RAD18: variants seen among roughly 807,000 people sequenced by gnomAD.
RAD18 encodes RAD18 E3 ubiquitin protein ligase, also known as E3 ubiquitin-protein ligase RAD18.
RAD18 carries 47 observed loss-of-function variants against 60.4 expected under a neutral mutation model. That is an observed-to-expected ratio of 0.78 (90% CI 0.62 to 0.99). RAD18 has a LOEUF of 0.99. Among genes scored for constraint, RAD18 ranks in the 50% least tolerant of loss-of-function variants. The pLI is 0.00. For missense variants in RAD18, 640 were observed against 593.3 expected (o/e 1.08, Z -0.82); for synonymous variants, 225 against 195.5 (o/e 1.15, Z -1.26).
intron 7 of RAD18, among the ~76,000 whole-genome samples, chr3:8,922,907 C>A (rs1278868198): frequency 1.3e-5 from 2 of 152,110 alleles, no homozygotes; most frequent in Non-Finnish European, 2.9e-5. Flanking sequence ...ACACCAAAAC[C>A]CCATCTGTAC....
rs150173555 is a variant in RAD18 at position 8,891,900 on chromosome 3, A to G, written c.1323-1449T>C. Reference sequence around the variant, plus strand: ...TTTTTCAAGTAATGTGCTTATTACCATATCTGCTCAAAAACCACATTCCTA... The same window carrying G: ...TTTTTCAAGTAATGTGCTTATTACCGTATCTGCTCAAAAACCACATTCCTA... On this transcript the variant is annotated intron_variant, in intron 11 of 12. Coordinates refer to ENST00000264926, the MANE Select transcript of RAD18 (RefSeq NM_020165.4). 6.2e-3 allele frequency among the ~76,000 whole-genome samples: 949 copies of G among 152,346 alleles called. 5 individuals carry two copies. Among genetic ancestry groups the G allele is most frequent in the African/African-American group, 0.022 (901 of 41,580 alleles).
intron 7 of RAD18, among the ~76,000 whole-genome samples, chr3:8,916,289 G>C (rs1940198968): frequency 6.6e-6 from 1 of 152,114 alleles, no homozygotes; most frequent in South Asian, 2.1e-4. Flanking sequence ...TGAAAGACCT[G>C]CCTAAGACTG....
At chr3:8,892,277 G>A (rs906656629) in intron 11 of RAD18, among the ~76,000 whole-genome samples, 12 of 152,254 alleles carry the variant, frequency 7.9e-5, no homozygotes, top group Admixed American at 5.2e-4. Flanking sequence ...CAAGAAGCTG[G>A]ATGAATGTAA....
At chr3:8,935,383 C>CTGAAAGCT (rs1415547034) in intron 7 of RAD18, among the ~76,000 whole-genome samples, 3 of 152,176 alleles carry the variant, frequency 2.0e-5, no homozygotes, top group Admixed American at 1.3e-4. Flanking sequence ...ATCATAATGG[C>CTGAAAGCT]AACATTTACT....
chr3:8,901,106 G>A (rs1939904396), intron 10 of RAD18, among the ~76,000 whole-genome samples: 1 of 152,192 alleles, frequency 6.6e-6, no homozygotes, highest in South Asian at 2.1e-4. Context: ...CTAGGGAAAT[G>A]CAAATCAAAA....
chr3:8,906,684 C>T (rs571197236), intron 9 of RAD18, among the ~76,000 whole-genome samples: 33 of 124,212 alleles, frequency 2.7e-4, no homozygotes, highest in African/African-American at 8.2e-4. Context: ...CAACATTCAC[C>T]TCGTTTTCTA....
At chr3:8,947,709 G>A (rs911278337) in intron 3 of RAD18, among the ~76,000 whole-genome samples, 2 of 152,202 alleles carry the variant, frequency 1.3e-5, no homozygotes, top group African/African-American at 4.8e-5. Context: ...TGGTTTTCAG[G>A]AATGCAAGAG....
chr3:8,908,330 A>G (rs1028166132), intron 9 of RAD18, among the ~76,000 whole-genome samples: 2 of 148,708 alleles, frequency 1.3e-5, no homozygotes, highest in Non-Finnish European at 3.0e-5. Context: ...GACTCTGCTT[A>G]TAATAGGGAA....
intron 12 of RAD18, among the ~76,000 whole-genome samples, chr3:8,887,232 G>A (rs4274731): frequency 0.1 from 15,576 of 152,236 alleles, 901 homozygotes; most frequent in South Asian, 0.15. Flanking sequence ...AAGTCCTCCA[G>A]GTGATTTTAA....
At position 8,878,782 on chromosome 3, in the gene RAD18, C is replaced by T. The variant is rs1473394251; in HGVS notation, c.*2575G>A. On this transcript the variant is annotated 3_prime_UTR_variant, in exon 13 of 13. Transcript: ENST00000264926. ...TGCATCCAGCAGCTCACCTGCACCC[C>T]CACAAACCATAAGCATCACTGCCAT... 2 of 152,198 alleles carry T rather than the reference C, an allele frequency of 1.3e-5. No individual in the cohort carries two copies. Among genetic ancestry groups the T allele is most frequent in the African/African-American group, 2.4e-5 (1 of 41,450 alleles). 9.4% of individuals were successfully genotyped at this position (152,198 alleles called of 1,614,324 possible).
intron 9 of RAD18, among the ~76,000 whole-genome samples, chr3:8,910,600 C>CAA (rs35992206): frequency 5.3e-5 from 6 of 112,446 alleles, no homozygotes; most frequent in Admixed American, 1.9e-4. Context: ...GCCTCCATCT[C>CAA]AAAAAAAAAA....
intron 1 of RAD18, among the ~76,000 whole-genome samples, chr3:8,962,705 G>A (rs1356111716): frequency 6.6e-6 from 1 of 152,162 alleles, no homozygotes; most frequent in Non-Finnish European, 1.5e-5. Flanking sequence ...ACAGAAAGTG[G>A]CCACAAAAAT....
chr3:8,913,097 T>C (rs1447558460), intron 8 of RAD18, among the ~76,000 whole-genome samples: 1 of 152,132 alleles, frequency 6.6e-6, no homozygotes, highest in Non-Finnish European at 1.5e-5. Context: ...CAGGACACAA[T>C]GACTATTTTC....
intron 7 of RAD18, among the ~76,000 whole-genome samples, chr3:8,922,406 G>C (rs1340080719): frequency 6.6e-6 from 1 of 152,086 alleles, no homozygotes; most frequent in Non-Finnish European, 1.5e-5. Flanking sequence ...GCCTGCCATT[G>C]CTGGAGGCTG....
At chr3:8,931,034 A>G (rs1258424405) in intron 7 of RAD18, among the ~76,000 whole-genome samples, 1 of 152,218 alleles carries the variant, frequency 6.6e-6, no homozygotes, top group Non-Finnish European at 1.5e-5. Context: ...AAGGGTAGAA[A>G]GATAAATAAA....
At chr3:8,893,193 T>C (rs2125047874) in intron 11 of RAD18, among the ~76,000 whole-genome samples, 1 of 152,272 alleles carries the variant, frequency 6.6e-6, no homozygotes, top group African/African-American at 2.4e-5. Context: ...AGGGTGTAAA[T>C]TCATCAGAAC....
chr3:8,913,793 T>G (rs1177576324), intron 7 of RAD18, 73 bp from the exon 8 acceptor site: 12 of 984,772 alleles, frequency 1.2e-5, no homozygotes, highest in Non-Finnish European at 1.7e-5. Flanking sequence ...ATTATTTAAG[T>G]TGTTAACATT....
intron 8 of RAD18, 74 bp downstream of exon 8, chr3:8,913,570 G>T: frequency 3.8e-6 from 4 of 1,058,494 alleles, no homozygotes; most frequent in Non-Finnish European, 5.3e-6. Context: ...TTTAATAATG[G>T]CTTGCTTTAA....
chr3:8,932,379 A>G (rs1940576077), intron 7 of RAD18, among the ~76,000 whole-genome samples: 1 of 152,214 alleles, frequency 6.6e-6, no homozygotes, highest in African/African-American at 2.4e-5. Context: ...CAAAGAAAAT[A>G]TACAAATAGC....
Sources: allele counts gnomAD v4.1 joint callset (sites outside exome capture counted in the v4.1 genomes callset), GRCh38; gene constraint gnomAD v4.1.1; transcripts MANE v1.5; gene names NCBI Gene and HGNC (gene_info 2026-07-23, HGNC 2026-07-21).